Variants in PDS5A observed in about 807,000 individuals in gnomAD.
PDS5A encodes the protein PDS5 cohesin associated factor A.
Under a neutral mutation model 167.1 loss-of-function variants are expected in PDS5A, and 42 were observed. The observed-to-expected ratio is 0.25, with a 90% CI of 0.20 to 0.33. The LOEUF is 0.33. Among genes scored for constraint, PDS5A ranks in the 10% least tolerant of loss-of-function variants. The probability of loss-of-function intolerance (pLI) is 1.00; values close to 1 mark genes in which losing one functional copy is unlikely to be tolerated. For synonymous variants in PDS5A, 553 were observed against 554.6 expected, an observed-to-expected ratio of 1.00 and a Z score of 0.04; for missense variants, 1,033 against 1,605.9, an observed-to-expected ratio of 0.64 and a Z score of 6.10.
At chr4:39,864,485 T>TG (rs959676058) in intron 23 of PDS5A, among the ~76,000 whole-genome samples, 11 of 152,304 alleles carry the variant, frequency 7.2e-5, no homozygotes, top group Admixed American at 2.0e-4. Context: ...TGGTAATGAA[T>TG]GGGATGGCAT....
At chr4:39,909,267 G>A (rs1017703735) in intron 10 of PDS5A, among the ~76,000 whole-genome samples, 3 of 151,880 alleles carry the variant, frequency 2.0e-5, no homozygotes, top group Non-Finnish European at 4.4e-5. Context: ...TTAGATTACA[G>A]GCATCTGCCA....
intron 1 of PDS5A, 49 bp from the exon 2 acceptor site, chr4:39,976,666 C>T: frequency 1.1e-6 from 1 of 951,742 alleles, no homozygotes; most frequent in Admixed American, 2.4e-5. Context: ...GACTTTGTAA[C>T]CTCTTTTTTC....
At chr4:39,953,758 A>T (rs1316615644) in intron 2 of PDS5A, among the ~76,000 whole-genome samples, 1 of 152,112 alleles carries the variant, frequency 6.6e-6, no homozygotes, top group Non-Finnish European at 1.5e-5. Flanking sequence ...AAATTCCAAC[A>T]CATTTGTAAA....
chr4:39,906,619 A>AAGCAGC (rs555778865), intron 11 of PDS5A, among the ~76,000 whole-genome samples: 5 of 151,604 alleles, frequency 3.3e-5, no homozygotes, highest in Admixed American at 2.0e-4. Flanking sequence ...AAAAAAAAAA[A>AAGCAGC]AGCAGCAGCA....
intron 24 of PDS5A, 77 bp from the exon 25 acceptor site, chr4:39,863,150 T>C: frequency 8.6e-7 from 1 of 1,158,850 alleles, no homozygotes. Context: ...TTTTAGTGTC[T>C]TCAATTAAAA....
intron 2 of PDS5A, among the ~76,000 whole-genome samples, chr4:39,956,446 T>C (rs1224389518): frequency 2.0e-5 from 3 of 147,796 alleles, no homozygotes; most frequent in East Asian, 2.0e-4. Flanking sequence ...TGAGCCAAGA[T>C]TGCGCCACTG....
chr4:39,866,934 C>T lies in PDS5A; in HGVS notation c.2569G>A (p.Ala857Thr). 1 of 1,612,524 alleles carries T rather than the reference C, an allele frequency of 6.2e-7. No homozygotes were observed. The highest frequency in any genetic ancestry group is 2.2e-5 in the East Asian group (1 of 44,830). ...LGMKNNQSKS[A>T]NSTLRLLSAM... ...GATAATAACCGAAGGGTTGAATTGG[C>T]AGATTTAGACTGGTTGTTTTTCATA... is the stretch of plus-strand genomic sequence containing the variant. The change falls in exon 23 of 33, where the codon GCC (alanine) becomes ACC (threonine). Residue 857 changes from alanine to threonine, a missense_variant. Ala to Thr is a moderately conservative substitution (Grantham distance 58, BLOSUM62 0). This residue lies in a region of PDS5A where 367 missense variants were observed against 686.7 expected (regional missense o/e 0.53). Transcript: ENST00000303538.
intron 2 of PDS5A, among the ~76,000 whole-genome samples, chr4:39,951,992 CA>C (rs1413845589): frequency 6.8e-6 from 1 of 147,840 alleles, no homozygotes; most frequent in Non-Finnish European, 1.5e-5. Flanking sequence ...CTAGTTTTAA[CA>C]AAAAAGATCA....
chr4:39,928,775 A>G (rs530989893), intron 2 of PDS5A, among the ~76,000 whole-genome samples: 1 of 152,014 alleles, frequency 6.6e-6, no homozygotes, highest in South Asian at 2.1e-4. Context: ...CAGTGCGCCA[A>G]GATCACACCA....
At chr4:39,942,619 T>C (rs1727330341) in intron 2 of PDS5A, among the ~76,000 whole-genome samples, 1 of 151,888 alleles carries the variant, frequency 6.6e-6, no homozygotes, top group African/African-American at 2.4e-5. Flanking sequence ...TAAAGACCGG[T>C]TTTGCCATGT....
intron 17 of PDS5A, among the ~76,000 whole-genome samples, chr4:39,888,824 AATAG>A (rs776309777): frequency 7.4e-4 from 112 of 152,338 alleles, no homozygotes; most frequent in South Asian, 2.5e-3. Flanking sequence ...GAGGTTAATT[AATAG>A]ATATAGAACG....
chr4:39,916,348 C>G (rs1013491144), intron 8 of PDS5A, among the ~76,000 whole-genome samples: 3 of 152,110 alleles, frequency 2.0e-5, no homozygotes, highest in Non-Finnish European at 4.4e-5. Flanking sequence ...ATTTTTAGGA[C>G]AGTCAAATTT....
chr4:39,837,691 G>T, intron 32 of PDS5A, 165 bp downstream of exon 32: 3 of 497,942 alleles, frequency 6.0e-6, no homozygotes, highest in Non-Finnish European at 1.0e-5. Context: ...CTTAAAACTG[G>T]AAGTTATGAG....
intron 2 of PDS5A, chr4:39,932,344 T>C (rs760586706): frequency 1.3e-5 from 2 of 153,250 alleles, no homozygotes; most frequent in Non-Finnish European, 2.9e-5. Flanking sequence ...AGAGGCTGTG[T>C]ATACCACATA....
intron 9 of PDS5A, among the ~76,000 whole-genome samples, chr4:39,911,015 T>C (rs1303578685): frequency 3.9e-5 from 6 of 152,016 alleles, no homozygotes; most frequent in African/African-American, 1.4e-4. Flanking sequence ...TCCCCTGTAG[T>C]CCCAGCTACT....
intron 7 of PDS5A, among the ~76,000 whole-genome samples, chr4:39,917,997 G>C (rs2109705360): frequency 6.6e-6 from 1 of 152,176 alleles, no homozygotes; most frequent in Non-Finnish European, 1.5e-5. Flanking sequence ...GGGCAACACA[G>C]TGAGACCCTT....
intron 4 of PDS5A, 68 bp downstream of exon 4, chr4:39,926,707 A>T: frequency 9.2e-7 from 1 of 1,086,308 alleles, no homozygotes; most frequent in Non-Finnish European, 1.3e-6. Flanking sequence ...TACATTACAA[A>T]GTTAACATGA....
chr4:39,954,107 G>A (rs1431717611), intron 2 of PDS5A, among the ~76,000 whole-genome samples: 3 of 152,168 alleles, frequency 2.0e-5, no homozygotes, highest in East Asian at 1.9e-4. Flanking sequence ...TTGGGAGGCC[G>A]AGGTGGGAGG....
intron 2 of PDS5A, among the ~76,000 whole-genome samples, chr4:39,931,163 C>T (rs774468853): frequency 6.6e-6 from 1 of 152,096 alleles, no homozygotes; most frequent in Non-Finnish European, 1.5e-5. Flanking sequence ...AATCTCAGCT[C>T]ACTGCAACCT....
Sources: gnomAD v4.1 joint callset for allele counts (sites outside exome capture counted in the v4.1 genomes callset) on GRCh38, gnomAD v4.1.1 for gene constraint, gnomAD v4.1.1 regional missense constraint, MANE v1.5 for transcripts, NCBI Gene and HGNC (gene_info 2026-07-23, HGNC 2026-07-21) for gene names.